Variants in KIAA1217 observed in about 807,000 individuals in gnomAD.
KIAA1217 encodes sickle tail protein homolog.
In KIAA1217, 88 loss-of-function variants were observed where a neutral mutation model predicts 163.9. That is an observed-to-expected ratio of 0.54 (90% confidence interval 0.45 to 0.64). The LOEUF (loss-of-function observed/expected upper bound fraction) is 0.64. KIAA1217 is among the 30% of genes least tolerant of loss of function. The probability of loss-of-function intolerance (pLI) is 0.00; values close to 1 mark genes in which losing one functional copy is unlikely to be tolerated. For synonymous variants in KIAA1217, 903 were observed against 923.1 expected, an observed-to-expected ratio of 0.98 and a Z score of 0.39; for missense variants, 2,372 against 2,475.0, an observed-to-expected ratio of 0.96 and a Z score of 0.88.
At chr10:24,243,661 C>A (rs2073393377) in intron 2 of KIAA1217, among the ~76,000 whole-genome samples, 1 of 148,506 alleles carries the variant, frequency 6.7e-6, no homozygotes, top group African/African-American at 2.6e-5. Flanking sequence ...TATATATATA[C>A]ACATCTATGA....
rs185512749 is a variant in KIAA1217 at position 24,466,610 on chromosome 10, A to G, written c.847-6618A>G. ...GTTGTGAACACTCGAGCTGAGAAAC[A>G]TTTTAGGATCTTTGTGTCTTTTGTG... is the stretch of plus-strand genomic sequence containing the variant. On this transcript the variant is annotated intron_variant, in intron 5 of 20. Coordinates refer to ENST00000376454, the MANE Select transcript of KIAA1217 (RefSeq NM_019590.5). 3.4e-4 allele frequency: 338 copies of G among 985,428 alleles called. 1 individual carries two copies. In the African/African-American group the frequency reaches 5.5e-3, roughly 16 times the overall value. The allele number at this position is 985,428 out of a possible 1,614,324, so 61.0% of individuals were successfully genotyped here.
chr10:24,346,697 A>G (rs2047832911), intron 2 of KIAA1217, among the ~76,000 whole-genome samples: 1 of 149,922 alleles, frequency 6.7e-6, no homozygotes, highest in African/African-American at 2.5e-5. Context: ...CAGCCTCCCA[A>G]GTAGCTGGGA....
intron 1 of KIAA1217, among the ~76,000 whole-genome samples, chr10:23,908,300 C>T (rs1447916816): frequency 6.6e-6 from 1 of 151,986 alleles, no homozygotes; most frequent in Non-Finnish European, 1.5e-5. Context: ...AAATCTTTTC[C>T]ATAATTTGGA....
At chr10:23,788,841 A>G (rs980340276) in intron 1 of KIAA1217, among the ~76,000 whole-genome samples, 2 of 152,210 alleles carry the variant, frequency 1.3e-5, no homozygotes, top group Non-Finnish European at 2.9e-5. Flanking sequence ...GAAACGCTCA[A>G]TGGCACATTT....
chr10:24,070,507 A>G (rs941757577), intron 2 of KIAA1217, among the ~76,000 whole-genome samples: 16 of 152,216 alleles, frequency 1.1e-4, no homozygotes, highest in African/African-American at 3.9e-4. Context: ...AATACAAATA[A>G]TCAATTTTAA....
chr10:24,295,988 C>A (rs1435268997), intron 2 of KIAA1217, among the ~76,000 whole-genome samples: 1 of 152,124 alleles, frequency 6.6e-6, no homozygotes, highest in Non-Finnish European at 1.5e-5. Context: ...CTTTAATGTG[C>A]CTTAGTACTT....
intron 1 of KIAA1217, among the ~76,000 whole-genome samples, chr10:23,945,879 G>A (rs1340318452): frequency 2.6e-5 from 4 of 152,150 alleles, no homozygotes; most frequent in South Asian, 2.1e-4. Context: ...AAGGCTAATC[G>A]CAACTGGGTG....
intron 2 of KIAA1217, among the ~76,000 whole-genome samples, chr10:24,017,827 CT>C (rs1847555136): frequency 6.6e-6 from 1 of 151,974 alleles, no homozygotes; most frequent in African/African-American, 2.4e-5. Context: ...AAAAACAAAG[CT>C]TAAAGACATA....
Position 24,473,581 on chromosome 10 carries a change from C to A in KIAA1217, c.1200C>A (p.His400Gln). 6.2e-7 allele frequency: 1 copy of A among 1,614,086 alleles called. No individual in the cohort carries two copies. The highest frequency in any genetic ancestry group is 8.5e-7 in the Non-Finnish European group (1 of 1,180,008). Residue 400 changes from histidine (H) to glutamine (Q), a missense_variant, in exon 6 of 21, where the codon CAC (histidine) becomes CAA (glutamine). His to Gln is a conservative substitution (Grantham distance 24). Transcript: ENST00000376454. ...TCTATGCTGATCCTTACCTTTATCA[C>A]GAGGGACGGATGAGCATAGCCTCAT... is the stretch of plus-strand genomic sequence containing the variant. The part of the protein sequence containing the change: ...EGFYADPYLY[H>Q]EGRMSIASSH...
chr10:24,011,484 C>A (rs1177474492), intron 2 of KIAA1217, among the ~76,000 whole-genome samples: 1 of 151,890 alleles, frequency 6.6e-6, no homozygotes, highest in African/African-American at 2.4e-5. Context: ...GAGATCTTGT[C>A]TTAAAATTAA....
intron 12 of KIAA1217, 90 bp downstream of exon 12, chr10:24,522,019 A>G (rs898983847): frequency 1.0e-5 from 15 of 1,443,464 alleles, no homozygotes; most frequent in Admixed American, 2.0e-5. Flanking sequence ...GCCTTCCACC[A>G]TGCTCCCAGG....
At chr10:24,311,846 A>G (rs2042743487) in intron 2 of KIAA1217, among the ~76,000 whole-genome samples, 1 of 152,180 alleles carries the variant, frequency 6.6e-6, no homozygotes, top group African/African-American at 2.4e-5. Context: ...TGTAGGCTTG[A>G]AAAGAGAAGG....
At chr10:24,370,032 G>A (rs567498182) in intron 2 of KIAA1217, among the ~76,000 whole-genome samples, 6 of 152,254 alleles carry the variant, frequency 3.9e-5, no homozygotes, top group South Asian at 4.1e-4. Context: ...TTGGGAGGCC[G>A]AGGCAGGTAG....
In KIAA1217 at chr10:24,546,421, A is replaced by C; in HGVS notation, c.*97A>C. 1 of 1,224,012 alleles carries C rather than the reference A, an allele frequency of 8.2e-7. No homozygotes were observed. Among genetic ancestry groups the C allele is most frequent in the East Asian group, 2.4e-5 (1 of 40,844 alleles). The allele number at this position is 1,224,012 out of a possible 1,614,324, so 75.8% of individuals were successfully genotyped here. A position where few individuals can be genotyped will look rare whatever the true frequency, so the allele number is the denominator to read the frequency against. On this transcript the variant is annotated 3_prime_UTR_variant, in exon 21 of 21. Transcript: ENST00000376454. ...ACAAGAGAATGTAACATATTGCTGT[A>C]TCGTTTGAGGCTTAATGCTAAATAT...
chr10:24,495,814 C>T (rs551142464), intron 8 of KIAA1217, among the ~76,000 whole-genome samples: 1 of 152,324 alleles, frequency 6.6e-6, no homozygotes, highest in South Asian at 2.1e-4. Context: ...AAAAGGAGTA[C>T]TTGGACTAGG....
intron 1 of KIAA1217, among the ~76,000 whole-genome samples, chr10:23,837,943 C>T (rs546337881): frequency 1.3e-5 from 2 of 152,208 alleles, no homozygotes; most frequent in South Asian, 4.1e-4. Flanking sequence ...TGAATTTCTC[C>T]CACCTTGCTT....
At chr10:23,982,529 T>TTC (rs59075123) in intron 1 of KIAA1217, among the ~76,000 whole-genome samples, 9,370 of 73,256 alleles carry the variant, frequency 0.13, 1,244 homozygotes, top group Non-Finnish European at 0.15. Flanking sequence ...TGTTTTTTGT[T>TTC]TCTCTCTCTC....
At chr10:24,508,410 C>T (rs951796674) in intron 9 of KIAA1217, among the ~76,000 whole-genome samples, 4 of 152,202 alleles carry the variant, frequency 2.6e-5, no homozygotes, top group African/African-American at 9.6e-5. Context: ...ACACTAAACA[C>T]ATTCCCCATA....
chr10:23,895,185 AC>A (rs1366823245), intron 1 of KIAA1217, among the ~76,000 whole-genome samples: 1 of 152,144 alleles, frequency 6.6e-6, no homozygotes, highest in East Asian at 1.9e-4. Context: ...AAAAGAAACT[AC>A]CATCAGAGTG....
Sources: allele counts gnomAD v4.1 joint callset (sites outside exome capture counted in the v4.1 genomes callset), GRCh38; gene constraint gnomAD v4.1.1; transcripts MANE v1.5; gene names NCBI Gene and HGNC (gene_info 2026-07-23, HGNC 2026-07-21).